Variants in CNTNAP2 observed in about 807,000 individuals in gnomAD.
CNTNAP2 encodes the protein contactin-associated protein-like 2.
A neutral mutation model predicts 155.2 loss-of-function variants in CNTNAP2; 98 were observed. The observed-to-expected ratio is 0.63, with a 90% CI of 0.54 to 0.75. The LOEUF is 0.75. Among genes scored for constraint, CNTNAP2 ranks in the 30% least tolerant of loss-of-function variants. The pLI is 0.00. For missense variants in CNTNAP2, 1,727 were observed against 1,688.1 expected (o/e 1.02, Z -0.40); for synonymous variants, 651 against 631.2 (o/e 1.03, Z -0.47).
intron 5 of CNTNAP2, among the ~76,000 whole-genome samples, chr7:147,115,760 C>T (rs191616806): frequency 6.6e-6 from 1 of 152,216 alleles, no homozygotes; most frequent in Admixed American, 6.5e-5. Flanking sequence ...CAACATGCTC[C>T]TTTACTTCAG....
intron 21 of CNTNAP2, among the ~76,000 whole-genome samples, chr7:148,288,968 A>G (rs10952750): frequency 0.2 from 26,585 of 131,474 alleles, 2,768 homozygotes; most frequent in South Asian, 0.26. Context: ...AAAAAAAAAA[A>G]AGAGAGAAAA....
At chr7:147,011,145 G>A (rs1798615038) in intron 3 of CNTNAP2, among the ~76,000 whole-genome samples, 1 of 152,020 alleles carries the variant, frequency 6.6e-6, no homozygotes, top group Non-Finnish European at 1.5e-5. Flanking sequence ...TGGGTGTGAT[G>A]GCTTACACCT....
At chr7:146,234,154 C>T (rs1563000695) in intron 1 of CNTNAP2, among the ~76,000 whole-genome samples, 2 of 149,888 alleles carry the variant, frequency 1.3e-5, no homozygotes, top group African/African-American at 2.4e-5. Context: ...TAATGATTGC[C>T]ATTCTAACTG....
intron 3 of CNTNAP2, among the ~76,000 whole-genome samples, chr7:146,901,722 A>G (rs1266495087): frequency 6.6e-6 from 1 of 152,224 alleles, no homozygotes; most frequent in Non-Finnish European, 1.5e-5. Context: ...CAGTTGTATT[A>G]GATGGCTGGG....
intron 8 of CNTNAP2, among the ~76,000 whole-genome samples, chr7:147,178,020 A>ATCTAT (rs1802383260): frequency 6.6e-6 from 1 of 152,062 alleles, no homozygotes; most frequent in African/African-American, 2.4e-5. Context: ...CCTCAACTCT[A>ATCTAT]TCTGTGGAAG....
chr7:146,777,865 CAT>C (rs899309155), intron 2 of CNTNAP2, among the ~76,000 whole-genome samples: 1 of 151,190 alleles, frequency 6.6e-6, no homozygotes, highest in African/African-American at 2.5e-5. Context: ...TTCTTGAAAA[CAT>C]ATATGTGGCT....
At chr7:146,411,249 C>T (rs1724524) in intron 1 of CNTNAP2, among the ~76,000 whole-genome samples, 1 of 151,578 alleles carries the variant, frequency 6.6e-6, no homozygotes, top group African/African-American at 2.4e-5. Flanking sequence ...TTCTGCCTCC[C>T]GGGTTCAAGC....
At chr7:147,126,602 T>C (rs183244788) in intron 6 of CNTNAP2, among the ~76,000 whole-genome samples, 1 of 152,298 alleles carries the variant, frequency 6.6e-6, no homozygotes, top group East Asian at 1.9e-4. Flanking sequence ...GCCTCCCAAA[T>C]AGCTGGGATT....
chr7:146,516,610 A>C (rs1274318740), intron 1 of CNTNAP2, among the ~76,000 whole-genome samples: 1 of 151,900 alleles, frequency 6.6e-6, no homozygotes, highest in African/African-American at 2.4e-5. Context: ...TATGTCTGTA[A>C]TCTATACGAC....
At chr7:147,583,913 C>T (rs1282133190) in intron 12 of CNTNAP2, among the ~76,000 whole-genome samples, 2 of 152,082 alleles carry the variant, frequency 1.3e-5, no homozygotes, top group East Asian at 3.9e-4. Flanking sequence ...GCATGGGTGT[C>T]TCTTCCTGTG....
At chr7:148,168,816 A>G (rs1281598618) in intron 17 of CNTNAP2, among the ~76,000 whole-genome samples, 3 of 152,248 alleles carry the variant, frequency 2.0e-5, no homozygotes, top group Non-Finnish European at 4.4e-5. Context: ...TTGTTTCCAA[A>G]TTAAAATACA....
intron 1 of CNTNAP2, among the ~76,000 whole-genome samples, chr7:146,402,084 G>T (rs1390252927): frequency 6.6e-6 from 1 of 152,056 alleles, no homozygotes; most frequent in Non-Finnish European, 1.5e-5. Flanking sequence ...GAAGTTGAAG[G>T]TCTTCCATAA....
intron 1 of CNTNAP2, among the ~76,000 whole-genome samples, chr7:146,406,996 CT>C (rs1795801386): frequency 1.3e-5 from 2 of 152,094 alleles, no homozygotes; most frequent in South Asian, 4.1e-4. Flanking sequence ...TAAACATGGT[CT>C]AAATTATAGG....
chr7:148,188,222 T>C (rs1350281575), intron 18 of CNTNAP2, among the ~76,000 whole-genome samples: 1 of 152,222 alleles, frequency 6.6e-6, no homozygotes, highest in African/African-American at 2.4e-5. Flanking sequence ...CCTATTGTTC[T>C]ATTAGGCCAT....
chr7:148,267,309 T>A (rs1454596275), intron 21 of CNTNAP2, among the ~76,000 whole-genome samples, 183 bp downstream of exon 21: 1 of 152,066 alleles, frequency 6.6e-6, no homozygotes, highest in African/African-American at 2.4e-5. Context: ...CAAATTATCT[T>A]TGGGGGAAAT....
In CNTNAP2 at chr7:146,774,400, C is replaced by G. The variant is rs781480662; in HGVS notation, c.208+19C>G. The G allele has an allele frequency of 6.6e-7, 1 of 1,522,354 alleles. No homozygotes were observed. Among genetic ancestry groups the G allele is most frequent in the South Asian group, 1.1e-5 (1 of 88,814 alleles). The allele number at this position is 1,522,354 out of a possible 1,614,324, so 94.3% of individuals were successfully genotyped here. A position where few individuals can be genotyped will look rare whatever the true frequency, so the allele number is the denominator to read the frequency against. ...AGAGGAGGTAAGCCAAATTTTGATT[C>G]TTTTATCAATAAACATGTTAAATAA... On this transcript the variant is annotated intron_variant, in intron 2 of 23. Transcript: ENST00000361727.
rs1000380343 is a variant in CNTNAP2, at chr7:146,258,157, G to A, written c.97+141184G>A. 3.3e-5 allele frequency among the ~76,000 whole-genome samples: 5 copies of A among 152,168 alleles called. 1 individual carries two copies. Among genetic ancestry groups the A allele is most frequent in the Non-Finnish European group, 4.4e-5 (3 of 68,028 alleles). ...TCCACCTGCCTCGCCCTTCCAGAGT[G>A]CTGAGATTACAGGCGTGGGCCACCA... On this transcript the variant is annotated intron_variant, in intron 1 of 23. Transcript: ENST00000361727.
intron 20 of CNTNAP2, among the ~76,000 whole-genome samples, chr7:148,238,076 C>A (rs375878806): frequency 1.8e-4 from 27 of 152,290 alleles, no homozygotes; most frequent in African/African-American, 6.5e-4. Flanking sequence ...CCAGGCCAGG[C>A]GCGGTGGCTC....
chr7:147,891,206 G>T (rs1799685632), intron 13 of CNTNAP2, among the ~76,000 whole-genome samples: 1 of 114,660 alleles, frequency 8.7e-6, no homozygotes, highest in Admixed American at 8.4e-5. Context: ...TCAACAAATA[G>T]ATTTTTTTTT....
Sources: allele counts gnomAD v4.1 joint callset (sites outside exome capture counted in the v4.1 genomes callset), GRCh38; gene constraint gnomAD v4.1.1; transcripts MANE v1.5; gene names NCBI Gene and HGNC (gene_info 2026-07-23, HGNC 2026-07-21).